SPTBN1: variants seen among roughly 807,000 people sequenced by gnomAD.
The protein encoded by SPTBN1 is spectrin beta, non-erythrocytic 1.
In SPTBN1, 32 loss-of-function variants were observed where a neutral mutation model predicts 266.4. That is an observed-to-expected ratio of 0.12 (90% CI 0.09 to 0.16). The LOEUF is 0.16. SPTBN1 is among the 10% of genes least tolerant of loss of function. SPTBN1 has a pLI of 1.00. For synonymous variants in SPTBN1, 1,336 were observed against 1,162.2 expected, an observed-to-expected ratio of 1.15 and a Z score of -3.04; for missense variants, 2,296 against 3,067.1, an observed-to-expected ratio of 0.75 and a Z score of 5.94.
At chr2:54,619,352 A>T (rs933604591) in intron 7 of SPTBN1, among the ~76,000 whole-genome samples, 2 of 151,988 alleles carry the variant, frequency 1.3e-5, no homozygotes, top group Admixed American at 6.5e-5. Context: ...CTTAACCCCT[A>T]TCTTACTATG....
chr2:54,481,537 T>C (rs76048979), intron 1 of SPTBN1, among the ~76,000 whole-genome samples: 53 of 152,204 alleles, frequency 3.5e-4, no homozygotes, highest in Admixed American at 1.0e-3. Flanking sequence ...AGATTAATGA[T>C]ACACTTGGTG....
intron 2 of SPTBN1, among the ~76,000 whole-genome samples, chr2:54,560,279 G>A (rs1673205049): frequency 6.6e-6 from 1 of 151,896 alleles, no homozygotes; most frequent in Non-Finnish European, 1.5e-5. Flanking sequence ...CCCCTGGCCC[G>A]GACTCCCAGC....
chr2:54,614,249 G>A (rs1053106077), intron 4 of SPTBN1, among the ~76,000 whole-genome samples: 2 of 152,134 alleles, frequency 1.3e-5, no homozygotes, highest in African/African-American at 4.8e-5. Context: ...AGGCCCAGCT[G>A]TAGATATCCA....
chr2:54,607,473 A>C (rs1455456592), intron 3 of SPTBN1, among the ~76,000 whole-genome samples: 2 of 152,162 alleles, frequency 1.3e-5, no homozygotes, highest in Admixed American at 6.5e-5. Context: ...AAATACAAAA[A>C]TTAGCCAGGC....
intron 1 of SPTBN1, among the ~76,000 whole-genome samples, chr2:54,512,244 T>G (rs574207511): frequency 3.2e-4 from 48 of 152,186 alleles, no homozygotes; most frequent in Non-Finnish European, 6.0e-4. Flanking sequence ...AAAATGATAA[T>G]TATTTGAATG....
At chr2:54,580,317 T>G (rs1312428687) in intron 2 of SPTBN1, among the ~76,000 whole-genome samples, 1 of 152,214 alleles carries the variant, frequency 6.6e-6, no homozygotes, top group East Asian at 1.9e-4. Flanking sequence ...AACTAACATA[T>G]GTAGAACTAA....
intron 5 of SPTBN1, among the ~76,000 whole-genome samples, chr2:54,616,794 A>G (rs1403484208): frequency 6.6e-6 from 1 of 152,182 alleles, no homozygotes; most frequent in Non-Finnish European, 1.5e-5. Context: ...TTAGGACTCA[A>G]CTGATGCTAA....
At chr2:54,622,552 C>G in intron 9 of SPTBN1, 65 bp downstream of exon 9, 1 of 1,549,664 alleles carries the variant, frequency 6.5e-7, no homozygotes, top group South Asian at 1.2e-5. Flanking sequence ...CAACAGATCC[C>G]TATGTTCTGA....
At chr2:54,613,375 C>T (rs759227890) in intron 4 of SPTBN1, among the ~76,000 whole-genome samples, 1 of 152,184 alleles carries the variant, frequency 6.6e-6, no homozygotes, top group African/African-American at 2.4e-5. Context: ...CAAATTATAA[C>T]TTGCTTTGTT....
In SPTBN1 at chr2:54,629,327, G is replaced by A. The variant is rs781573498; in HGVS notation, c.2193G>A (p.Gln731=). The A allele has an allele frequency of 4.3e-6, 7 of 1,614,062 alleles. No homozygotes were observed. The East Asian group carries it at 1.3e-4, about 31-fold the overall frequency. The change falls in exon 14 of 36, where the codon CAG becomes CAA. Residue 731 remains glutamine, a synonymous_variant. Transcript: ENST00000356805. ...YIREQWANLE[Q]LSAIRKKRLE... ...GGGAGCAGTGGGCCAACCTAGAGCA[G>A]CTCTCGGCCATTCGGAAGAAGCGCC... is the stretch of plus-strand genomic sequence containing the variant.
chr2:54,576,480 A>G (rs145284408), intron 2 of SPTBN1, among the ~76,000 whole-genome samples: 98 of 152,048 alleles, frequency 6.4e-4, no homozygotes, highest in African/African-American at 2.2e-3. Context: ...TTTTTACTCT[A>G]TACTTTGAAG....
At chr2:54,475,889 C>A (rs773521479) in intron 1 of SPTBN1, among the ~76,000 whole-genome samples, 11 of 152,138 alleles carry the variant, frequency 7.2e-5, no homozygotes, top group Non-Finnish European at 1.0e-4. Context: ...TAGTCCATAC[C>A]AGAGTGTTTA....
intron 9 of SPTBN1, 44 bp downstream of exon 9, chr2:54,622,531 A>G (rs1259306026): frequency 1.9e-6 from 3 of 1,593,518 alleles, no homozygotes; most frequent in African/African-American, 1.3e-5. Flanking sequence ...GGAAAGACAC[A>G]TCACTGTAGC....
At chr2:54,599,378 A>G in intron 3 of SPTBN1, 135 bp downstream of exon 3, 1 of 1,068,724 alleles carries the variant, frequency 9.4e-7, no homozygotes, top group Admixed American at 2.2e-5. Flanking sequence ...AAGTGAGTTG[A>G]GCGCTTCAGG....
At chr2:54,647,697 T>A (rs1680012258) in intron 24 of SPTBN1, among the ~76,000 whole-genome samples, 1 of 152,092 alleles carries the variant, frequency 6.6e-6, no homozygotes. Flanking sequence ...AAAAATCAGC[T>A]GGGTGTGGTG....
At chr2:54,481,900 G>T (rs967384518) in intron 1 of SPTBN1, among the ~76,000 whole-genome samples, 7 of 152,160 alleles carry the variant, frequency 4.6e-5, no homozygotes, top group African/African-American at 1.4e-4. Context: ...TTTATATACT[G>T]ACAGTTATTT....
At chr2:54,660,839 T>G (rs1680987542) in intron 32 of SPTBN1, 1 of 985,488 alleles carries the variant, frequency 1.0e-6, no homozygotes, top group Non-Finnish European at 1.2e-6. Context: ...CTGTCAGTGC[T>G]GCTGGCACGT....
Position 54,669,511 on chromosome 2 carries a change from T to C in SPTBN1, c.*942T>C, listed in dbSNP as rs1313920998. ...TAACTATTGTAATGACAAATTTTCA[T>C]CTTACTGCACAATCAAAATGACATT... On this transcript the variant is annotated 3_prime_UTR_variant, in exon 36 of 36. Transcript: ENST00000356805. The C allele has an allele frequency of 1.3e-5, 2 of 152,674 alleles. No homozygotes were observed. Among genetic ancestry groups the C allele is most frequent in the African/African-American group, 4.8e-5 (2 of 41,474 alleles). 9.5% of individuals were successfully genotyped at this position (152,674 alleles called of 1,614,324 possible).
intron 2 of SPTBN1, among the ~76,000 whole-genome samples, chr2:54,547,288 A>G (rs928277849): frequency 1.3e-5 from 2 of 152,222 alleles, no homozygotes. Context: ...ATGTTATAGC[A>G]TATGACAGAA....
Sources: allele counts gnomAD v4.1 joint callset (sites outside exome capture counted in the v4.1 genomes callset), GRCh38; gene constraint gnomAD v4.1.1; transcripts MANE v1.5; gene names NCBI Gene and HGNC (gene_info 2026-07-23, HGNC 2026-07-21).